The following CTNNA2 variants were observed in gnomAD, a reference collection of about 807,000 sequenced individuals.
The protein encoded by CTNNA2 is catenin alpha-2.
In CTNNA2, 42 loss-of-function variants were observed where a neutral mutation model predicts 101.0. That is an observed-to-expected ratio of 0.42 (90% CI 0.32 to 0.54). CTNNA2 has a LOEUF of 0.54. Ranked by LOEUF, CTNNA2 falls within the 20% of genes least tolerant of loss-of-function variation. The pLI is 0.14. For synonymous variants in CTNNA2, 450 were observed against 456.4 expected, an observed-to-expected ratio of 0.99 and a Z score of 0.18; for missense variants, 871 against 1,223.1, an observed-to-expected ratio of 0.71 and a Z score of 4.29.
intron 4 of CTNNA2, among the ~76,000 whole-genome samples, chr2:79,383,633 AG>A (rs1678064043): frequency 6.6e-6 from 1 of 152,198 alleles, no homozygotes; most frequent in Non-Finnish European, 1.5e-5. Context: ...TTCTCGAGCT[AG>A]TTCACTCTCT....
chr2:80,042,519 T>C (rs1468194984), intron 7 of CTNNA2, among the ~76,000 whole-genome samples: 1 of 152,186 alleles, frequency 6.6e-6, no homozygotes, highest in Non-Finnish European at 1.5e-5. Flanking sequence ...ATCTGGCACC[T>C]CTTTTACCTA....
At chr2:80,581,605 G>A (rs145256239) in intron 13 of CTNNA2, 101 bp from the exon 14 acceptor site, 41 of 732,028 alleles carry the variant, frequency 5.6e-5, no homozygotes, top group Non-Finnish European at 9.3e-5. Flanking sequence ...GATGCTATAA[G>A]CTCTGTTTGC....
chr2:79,455,278 A>T (rs889201643), intron 4 of CTNNA2, among the ~76,000 whole-genome samples: 1 of 152,206 alleles, frequency 6.6e-6, no homozygotes, highest in African/African-American at 2.4e-5. Flanking sequence ...GCTAAATAGC[A>T]TATTTATACT....
At chr2:79,443,881 C>A (rs1425232235) in intron 4 of CTNNA2, among the ~76,000 whole-genome samples, 1 of 145,756 alleles carries the variant, frequency 6.9e-6, no homozygotes, top group African/African-American at 2.5e-5. Context: ...GGATGTTAAG[C>A]TTTTATCTTA....
chr2:79,242,991 TATACACAC>T (rs1460891307), intron 2 of CTNNA2, among the ~76,000 whole-genome samples: 2 of 120,946 alleles, frequency 1.7e-5, no homozygotes, highest in South Asian at 2.8e-4. Flanking sequence ...TATATATATA[TATACACAC>T]ACACACACAC....
At chr2:79,563,188 T>TATATA (rs1491331448) in intron 1 of CTNNA2, among the ~76,000 whole-genome samples, 7 of 42,306 alleles carry the variant, frequency 1.7e-4, no homozygotes, top group Non-Finnish European at 3.0e-4. Context: ...TATATATATA[T>TATATA]TTTCCTTCAT....
intron 8 of CTNNA2, among the ~76,000 whole-genome samples, chr2:80,414,414 T>G (rs1484047812): frequency 6.6e-6 from 1 of 152,220 alleles, no homozygotes; most frequent in South Asian, 2.1e-4. Context: ...CACTCATGCT[T>G]GAATCCCTGA....
intron 4 of CTNNA2, among the ~76,000 whole-genome samples, chr2:79,386,726 A>G (rs1558654935): frequency 6.6e-6 from 1 of 152,168 alleles, no homozygotes; most frequent in Non-Finnish European, 1.5e-5. Flanking sequence ...TCTCCCTTAA[A>G]TGTATTGTAA....
intron 7 of CTNNA2, among the ~76,000 whole-genome samples, chr2:80,262,987 A>G (rs566465497): frequency 1.3e-5 from 2 of 152,138 alleles, no homozygotes; most frequent in South Asian, 2.1e-4. Flanking sequence ...TACAAATTCT[A>G]ACGTGCCAGA....
chr2:79,656,701 C>T (rs573817756), intron 2 of CTNNA2, among the ~76,000 whole-genome samples: 53 of 152,030 alleles, frequency 3.5e-4, no homozygotes, highest in African/African-American at 1.3e-3. Flanking sequence ...AAGAGATATT[C>T]ATCTTAGGAA....
intron 9 of CTNNA2, among the ~76,000 whole-genome samples, chr2:80,436,867 T>G (rs1682088575): frequency 6.6e-6 from 1 of 152,172 alleles, no homozygotes; most frequent in Non-Finnish European, 1.5e-5. Flanking sequence ...ACCTCCACTT[T>G]GAGGATTGGA....
At chr2:79,544,901 C>T (rs1481615524) in intron 1 of CTNNA2, among the ~76,000 whole-genome samples, 13 of 152,122 alleles carry the variant, frequency 8.5e-5, no homozygotes. Flanking sequence ...CAAAGGACAT[C>T]TAACTTGCAG....
intron 8 of CTNNA2, among the ~76,000 whole-genome samples, chr2:80,412,631 C>A (rs1328727579): frequency 6.6e-6 from 1 of 152,180 alleles, no homozygotes; most frequent in Non-Finnish European, 1.5e-5. Flanking sequence ...ATTGTCACAA[C>A]AGTGTAGTGT....
At chr2:79,250,314 G>C (rs529752217) in intron 2 of CTNNA2, among the ~76,000 whole-genome samples, 8 of 152,218 alleles carry the variant, frequency 5.3e-5, no homozygotes, top group African/African-American at 1.9e-4. Context: ...CTGTCTCTAT[G>C]TTGGGCTCCA....
intron 3 of CTNNA2, among the ~76,000 whole-genome samples, chr2:79,341,457 A>G (rs185297535): frequency 1.3e-5 from 2 of 152,310 alleles, no homozygotes; most frequent in Admixed American, 1.3e-4. Context: ...AACATTAGTT[A>G]TGGTGTTATG....
intron 2 of CTNNA2, among the ~76,000 whole-genome samples, chr2:79,297,048 T>C (rs1485497521): frequency 1.3e-5 from 2 of 152,140 alleles, no homozygotes; most frequent in Admixed American, 1.3e-4. Context: ...TCCCCATGTA[T>C]CATTGATACT....
chr2:80,118,066 C>T (rs1701623936), intron 7 of CTNNA2, among the ~76,000 whole-genome samples: 1 of 152,070 alleles, frequency 6.6e-6, no homozygotes, highest in African/African-American at 2.4e-5. Flanking sequence ...AAGACAGGCT[C>T]CTCCCTCTCT....
At chr2:79,952,741 T>C (rs983809399) in intron 7 of CTNNA2, among the ~76,000 whole-genome samples, 14 of 152,286 alleles carry the variant, frequency 9.2e-5, no homozygotes, top group African/African-American at 3.4e-4. Context: ...CTGGCGCATG[T>C]TTTTGTAAAT....
chr2:80,001,756 G>T (rs1288049276), intron 7 of CTNNA2, among the ~76,000 whole-genome samples: 1 of 152,166 alleles, frequency 6.6e-6, no homozygotes, highest in East Asian at 1.9e-4. Flanking sequence ...ACAGCCTCCT[G>T]TGCCTCACCC....
Sources: allele counts gnomAD v4.1 joint callset (sites outside exome capture counted in the v4.1 genomes callset), GRCh38; gene constraint gnomAD v4.1.1; transcripts MANE v1.5; gene names NCBI Gene and HGNC (gene_info 2026-07-23, HGNC 2026-07-21).